The following PAK1 variants were observed in gnomAD, a reference collection of about 807,000 sequenced individuals.
PAK1 encodes the protein p21 (RAC1) activated kinase 1.
A neutral mutation model predicts 67.4 loss-of-function variants in PAK1; 29 were observed. That is an observed-to-expected ratio of 0.43 (90% CI 0.32 to 0.59). The LOEUF (loss-of-function observed/expected upper bound fraction) is 0.59. Among genes scored for constraint, PAK1 ranks in the 20% least tolerant of loss-of-function variants. The pLI is 0.07. For missense variants in PAK1, 337 were observed against 670.7 expected (o/e 0.50, Z 5.50); for synonymous variants, 223 against 237.4 (o/e 0.94, Z 0.56).
chr11:77,379,095 G>A (rs1949485451), intron 4 of PAK1, 146 bp downstream of exon 4: 1 of 680,872 alleles, frequency 1.5e-6, no homozygotes, highest in African/African-American at 1.8e-5. Flanking sequence ...CATCTTGGCT[G>A]TCAAATTCCA....
intron 1 of PAK1, among the ~76,000 whole-genome samples, chr11:77,468,034 T>C (rs1005216907): frequency 2.0e-5 from 3 of 152,214 alleles, no homozygotes; most frequent in African/African-American, 7.2e-5. Context: ...TATACTGTCA[T>C]TGTCATTTGC....
At chr11:77,390,531 C>G (rs1329738316) in intron 2 of PAK1, among the ~76,000 whole-genome samples, 1 of 150,966 alleles carries the variant, frequency 6.6e-6, no homozygotes, top group African/African-American at 2.4e-5. Flanking sequence ...GGATCTCACT[C>G]TGTCACCCAG....
chr11:77,463,359 G>A (rs570336177), intron 1 of PAK1, among the ~76,000 whole-genome samples: 1 of 152,034 alleles, frequency 6.6e-6, no homozygotes, highest in South Asian at 2.1e-4. Flanking sequence ...CCCTGCCAAT[G>A]TTTTATTTAA....
At chr11:77,527,392 CGT>C in the PAK1 span, among the ~76,000 whole-genome samples, 3 of 152,206 alleles carry the variant, frequency 2.0e-5, no homozygotes, top group Admixed American at 2.0e-4. Context: ...CCTGTGCCAC[CGT>C]ACTGGGCCTG....
Position 77,392,424 on chromosome 11 carries a change from T to A in PAK1, c.97A>T (p.Thr33Ser). ...MIGAGSKDAGTLNHGSKPLPP... is the reference protein window; with the variant it reads ...MIGAGSKDAGSLNHGSKPLPP... ...AGAGGTTTAGAACCATGGTTTAGGG[T>A]TCCAGCATCTTTGCTGCCGGCTCCA... The change falls in exon 2 of 15, where the codon ACC becomes TCC. Residue 33 changes from threonine (T) to serine (S), a missense_variant. Thr to Ser is a moderately conservative substitution (Grantham distance 58, BLOSUM62 1). Transcript: ENST00000356341. The A allele has an allele frequency of 6.2e-7, 1 of 1,614,104 alleles. No individual in the cohort carries two copies. Among genetic ancestry groups the A allele is most frequent in the Non-Finnish European group, 8.5e-7 (1 of 1,179,988 alleles).
chr11:77,521,310 C>T, the PAK1 span, among the ~76,000 whole-genome samples: 3 of 152,016 alleles, frequency 2.0e-5, no homozygotes, highest in Admixed American at 1.3e-4. Flanking sequence ...CAGGCAGATC[C>T]CCTGAGGTTG....
chr11:77,370,947 C>G (rs1948345450), intron 5 of PAK1, among the ~76,000 whole-genome samples: 1 of 152,210 alleles, frequency 6.6e-6, no homozygotes, highest in South Asian at 2.1e-4. Flanking sequence ...TTTGTTCATG[C>G]TGTCCATCAG....
intron 1 of PAK1, among the ~76,000 whole-genome samples, chr11:77,440,107 C>A (rs1956289660): frequency 6.6e-6 from 1 of 152,140 alleles, no homozygotes; most frequent in Non-Finnish European, 1.5e-5. Flanking sequence ...GTAAAATGTA[C>A]CAATTCCAAG....
chr11:77,361,020 T>A (rs2136638254), intron 5 of PAK1, among the ~76,000 whole-genome samples: 1 of 152,208 alleles, frequency 6.6e-6, no homozygotes, highest in East Asian at 1.9e-4. Context: ...CATATAGCCA[T>A]CCATCCATCC....
At chr11:77,466,837 G>C (rs1390489804) in intron 1 of PAK1, among the ~76,000 whole-genome samples, 3 of 152,172 alleles carry the variant, frequency 2.0e-5, no homozygotes, top group African/African-American at 4.8e-5. Context: ...TCAGATCTTA[G>C]CTGTGCTGTA....
chr11:77,503,839 A>G, the PAK1 span, among the ~76,000 whole-genome samples: 5 of 152,222 alleles, frequency 3.3e-5, no homozygotes, highest in African/African-American at 1.2e-4. Context: ...GCAACAGAGC[A>G]AGACCTTGTC....
chr11:77,422,740 T>A (rs1337154385), intron 1 of PAK1, among the ~76,000 whole-genome samples: 1 of 152,176 alleles, frequency 6.6e-6, no homozygotes, highest in East Asian at 1.9e-4. Flanking sequence ...TTCTAGTCAG[T>A]AAGTTTCTAA....
At chr11:77,498,456 A>C in the PAK1 span, among the ~76,000 whole-genome samples, 1 of 151,810 alleles carries the variant, frequency 6.6e-6, no homozygotes, top group Non-Finnish European at 1.5e-5. Context: ...AGTGATTTAT[A>C]AAAGCTCATT....
intron 5 of PAK1, among the ~76,000 whole-genome samples, chr11:77,370,189 T>C (rs1343905733): frequency 6.6e-6 from 1 of 152,224 alleles, no homozygotes; most frequent in Non-Finnish European, 1.5e-5. Context: ...CTCCCAGGTA[T>C]CAAAAGTATG....
At chr11:77,355,356 A>C (rs564459132) in intron 7 of PAK1, among the ~76,000 whole-genome samples, 1 of 152,286 alleles carries the variant, frequency 6.6e-6, no homozygotes, top group Non-Finnish European at 1.5e-5. Context: ...AGTCTTTCTC[A>C]ACATGGCATT....
intron 2 of PAK1, among the ~76,000 whole-genome samples, chr11:77,380,266 G>C (rs768176142): frequency 1.3e-5 from 2 of 152,194 alleles, no homozygotes; most frequent in Non-Finnish European, 2.9e-5. Context: ...GGCCAAGGCA[G>C]GCAGATTGCT....
chr11:77,443,685 T>G (rs1172408625), intron 1 of PAK1, among the ~76,000 whole-genome samples: 3 of 152,172 alleles, frequency 2.0e-5, no homozygotes, highest in Non-Finnish European at 4.4e-5. Context: ...AAGACCATGT[T>G]TTTTCCATTA....
the PAK1 span, among the ~76,000 whole-genome samples, chr11:77,491,131 A>G: frequency 6.6e-6 from 1 of 152,030 alleles, no homozygotes; most frequent in Non-Finnish European, 1.5e-5. Context: ...TCAATAAAAA[A>G]AAAAAGAAAA....
the PAK1 span, among the ~76,000 whole-genome samples, chr11:77,482,051 C>T: frequency 5.3e-5 from 8 of 151,570 alleles, no homozygotes; most frequent in African/African-American, 9.7e-5. Flanking sequence ...TGTAGTGGCA[C>T]GATCTTGGCT....
Sources: allele counts gnomAD v4.1 joint callset (sites outside exome capture counted in the v4.1 genomes callset), GRCh38; gene constraint gnomAD v4.1.1; transcripts MANE v1.5; gene names NCBI Gene and HGNC (gene_info 2026-07-23, HGNC 2026-07-21).